Variants in HDAC9 observed in about 807,000 individuals in gnomAD.
HDAC9 encodes MEF-2 interacting transcription repressor (MITR) protein.
In HDAC9, 41 loss-of-function variants were observed where a neutral mutation model predicts 139.4. The ratio of observed to expected loss-of-function variants is 0.29; its 90% CI spans 0.23 to 0.38. HDAC9 has a LOEUF of 0.38. Ranked by LOEUF, HDAC9 falls within the 10% of genes least tolerant of loss-of-function variation. The probability of loss-of-function intolerance (pLI) is 1.00; values close to 1 mark genes in which losing one functional copy is unlikely to be tolerated. For missense variants in HDAC9, 1,147 were observed against 1,297.0 expected, an observed-to-expected ratio of 0.88 and a Z score of 1.78; for synonymous variants, 517 against 476.2, an observed-to-expected ratio of 1.09 and a Z score of -1.12.
chr7:18,972,407 G>A (rs541806236), intron 24 of HDAC9, among the ~76,000 whole-genome samples: 2 of 120,166 alleles, frequency 1.7e-5, no homozygotes, highest in Non-Finnish European at 3.3e-5. Flanking sequence ...TTGAGATGGA[G>A]TCTTGCCCTG....
chr7:18,662,140 A>G (rs960889737), intron 11 of HDAC9, among the ~76,000 whole-genome samples: 1 of 152,154 alleles, frequency 6.6e-6, no homozygotes, highest in African/African-American at 2.4e-5. Context: ...CTTTGGCTGC[A>G]GTGGTAATAC....
chr7:18,371,870 C>A (rs1784619701), intron 1 of HDAC9, among the ~76,000 whole-genome samples: 1 of 152,116 alleles, frequency 6.6e-6, no homozygotes, highest in African/African-American at 2.4e-5. Flanking sequence ...CTTCAGAGAT[C>A]TTTTGACATT....
chr7:18,437,944 TACACAC>T (rs574736728), intron 1 of HDAC9, among the ~76,000 whole-genome samples: 1 of 148,658 alleles, frequency 6.7e-6, no homozygotes, highest in African/African-American at 2.5e-5. Context: ...TATATAACGT[TACACAC>T]ACACACACAC....
chr7:18,583,529 C>T (rs73313268), intron 2 of HDAC9, among the ~76,000 whole-genome samples: 3 of 151,110 alleles, frequency 2.0e-5, no homozygotes, highest in East Asian at 1.9e-4. Flanking sequence ...GACCAGCCTT[C>T]GCGACATAGC....
rs540609675 is a variant in HDAC9, at chr7:18,770,616, T to A, written c.2214+3461T>A. The stretch of plus-strand genomic sequence containing the variant: ...TCATCAGCTCCCAGCTTCAAACGCT[T>A]CTGCGGCTTTTGAGTTGTCATTTAT... On this transcript the variant is annotated intron_variant, in intron 16 of 25. Coordinates refer to ENST00000686413, the MANE Select transcript of HDAC9 (RefSeq NM_178425.4). Among the ~76,000 whole-genome samples, 5 of 152,298 alleles carry A rather than the reference T, an allele frequency of 3.3e-5. No individual in the cohort carries two copies. The South Asian group carries it at 1.0e-3, about 32-fold the overall frequency.
At chr7:18,404,141 G>A (rs925442992) in intron 1 of HDAC9, among the ~76,000 whole-genome samples, 1 of 152,066 alleles carries the variant, frequency 6.6e-6, no homozygotes, top group Non-Finnish European at 1.5e-5. Flanking sequence ...TTTCTTCTTT[G>A]ACCACATGTA....
intron 12 of HDAC9, among the ~76,000 whole-genome samples, chr7:18,690,885 C>G (rs1479245595): frequency 6.6e-6 from 1 of 151,946 alleles, no homozygotes; most frequent in Admixed American, 6.6e-5. Context: ...GAATTTGCCT[C>G]TCCTCACTCA....
chr7:18,897,024 A>G (rs1186103478), intron 22 of HDAC9, among the ~76,000 whole-genome samples: 5 of 152,044 alleles, frequency 3.3e-5, no homozygotes, highest in African/African-American at 9.7e-5. Flanking sequence ...GGATTTAGCA[A>G]TATGTATTCA....
At chr7:18,650,618 G>A (rs916395244) in intron 11 of HDAC9, among the ~76,000 whole-genome samples, 17 of 152,118 alleles carry the variant, frequency 1.1e-4, no homozygotes, top group Admixed American at 7.9e-4. Context: ...TGAAAAGCAG[G>A]CATTTGCATT....
chr7:18,539,169 G>C (rs968503973), intron 2 of HDAC9, among the ~76,000 whole-genome samples: 9 of 152,160 alleles, frequency 5.9e-5, no homozygotes, highest in African/African-American at 2.2e-4. Context: ...ATGGCACCAA[G>C]TTATCAAGGT....
In HDAC9 at chr7:18,997,036, C is replaced by G. The variant is rs530882050; in HGVS notation, c.*974C>G. 3.3e-5 allele frequency: 5 copies of G among 152,260 alleles called. No individual in the cohort carries two copies. Among genetic ancestry groups the G allele is most frequent in the African/African-American group, 1.2e-4 (5 of 41,550 alleles). The allele number at this position is 152,260 out of a possible 1,614,324, so 9.4% of individuals were successfully genotyped here. A position where few individuals can be genotyped will look rare whatever the true frequency, so the allele number is the denominator to read the frequency against. On this transcript the variant is annotated 3_prime_UTR_variant, in exon 26 of 26. Transcript: ENST00000686413. ...TGATTTCTTCTTACCTTTCATCATT[C>G]ATTCCTTCCTTTAGAAAAACTGAAG...
chr7:18,611,377 TATATA>T (rs1304831196), intron 6 of HDAC9, among the ~76,000 whole-genome samples: 1 of 152,170 alleles, frequency 6.6e-6, no homozygotes, highest in Non-Finnish European at 1.5e-5. Context: ...TTAACAGACT[TATATA>T]GTAGAATAGA....
At chr7:18,944,817 T>C (rs1266170234) in intron 23 of HDAC9, among the ~76,000 whole-genome samples, 1 of 152,180 alleles carries the variant, frequency 6.6e-6, no homozygotes, top group Non-Finnish European at 1.5e-5. Flanking sequence ...TAATTCTTAC[T>C]CATTTTGCTT....
chr7:18,632,417 G>T (rs1782625959), intron 7 of HDAC9, among the ~76,000 whole-genome samples: 1 of 152,008 alleles, frequency 6.6e-6, no homozygotes, highest in Admixed American at 6.6e-5. Context: ...AGTTATAGGT[G>T]TTCTGAGAGA....
Position 18,996,324 on chromosome 7 carries a change from T to A in HDAC9, c.*262T>A. The stretch of plus-strand genomic sequence containing the variant: ...GGAAGAAACTGCTTCCAGCATGCTT[T>A]TAATATGCTGGGTGACCCACTCCTA... On this transcript the variant is annotated 3_prime_UTR_variant, in exon 26 of 26. Transcript: ENST00000686413. 2 of 382,782 alleles carry A rather than the reference T, an allele frequency of 5.2e-6. No individual in the cohort carries two copies. Among genetic ancestry groups the A allele is most frequent in the Admixed American group, 8.5e-5 (2 of 23,498 alleles). The allele number at this position is 382,782 out of a possible 1,614,324, so 23.7% of individuals were successfully genotyped here. A position where few individuals can be genotyped will look rare whatever the true frequency, so the allele number is the denominator to read the frequency against.
At chr7:18,271,704 G>C (rs1446273052) in intron 2 of HDAC9, among the ~76,000 whole-genome samples, 1 of 152,110 alleles carries the variant, frequency 6.6e-6, no homozygotes, top group Non-Finnish European at 1.5e-5. Context: ...TTCTTCCTTG[G>C]ATGCTAAGTT....
chr7:18,359,490 A>C (rs540838655), intron 1 of HDAC9, among the ~76,000 whole-genome samples: 1 of 152,314 alleles, frequency 6.6e-6, no homozygotes, highest in South Asian at 2.1e-4. Context: ...ACATTTTCTA[A>C]AACTTGAGAA....
intron 4 of HDAC9, 125 bp from the exon 5 acceptor site, chr7:18,591,391 G>A (rs1305277362): frequency 8.3e-6 from 11 of 1,318,396 alleles, no homozygotes; most frequent in African/African-American, 1.5e-5. Context: ...GCTGTGACCA[G>A]CGATTTTACT....
chr7:18,309,756 A>C (rs1218362382), intron 1 of HDAC9, among the ~76,000 whole-genome samples: 1 of 152,194 alleles, frequency 6.6e-6, no homozygotes, highest in East Asian at 1.9e-4. Flanking sequence ...TCAATTAATA[A>C]AACTAAATCA....
Sources: allele counts gnomAD v4.1 joint callset (sites outside exome capture counted in the v4.1 genomes callset), GRCh38; gene constraint gnomAD v4.1.1; transcripts MANE v1.5; gene names NCBI Gene and HGNC (gene_info 2026-07-23, HGNC 2026-07-21).